The following DNAH11 variants were observed in gnomAD, a reference collection of about 807,000 sequenced individuals.
DNAH11 encodes axonemal beta dynein heavy chain 11.
In DNAH11, 442 loss-of-function variants were observed where a neutral mutation model predicts 526.0. The ratio of observed to expected loss-of-function variants is 0.84; its 90% CI spans 0.78 to 0.91. The LOEUF is 0.91. Ranked by LOEUF, DNAH11 falls within the 40% of genes least tolerant of loss-of-function variation. The pLI, the probability that DNAH11 is intolerant of heterozygous loss-of-function variation, is 0.00. For synonymous variants in DNAH11, 2,461 were observed against 1,935.9 expected, an observed-to-expected ratio of 1.27 and a Z score of -7.12; for missense variants, 6,989 against 5,448.7, an observed-to-expected ratio of 1.28 and a Z score of -8.90.
intron 27 of DNAH11, 28 bp from the exon 28 acceptor site, chr7:21,638,911 T>C (rs764944435): frequency 2.1e-5 from 33 of 1,591,860 alleles, no homozygotes; most frequent in Non-Finnish European, 2.6e-5. Flanking sequence ...GGACAAGATA[T>C]GCTTAAAAAC....
intron 79 of DNAH11, among the ~76,000 whole-genome samples, chr7:21,897,157 T>C (rs1022342543): frequency 6.6e-6 from 1 of 152,234 alleles, no homozygotes; most frequent in African/African-American, 2.4e-5. Context: ...CTTAGTTTTA[T>C]AATTTCCTGT....
At chr7:21,564,737 G>A (rs1307739663) in intron 6 of DNAH11, among the ~76,000 whole-genome samples, 5 of 152,146 alleles carry the variant, frequency 3.3e-5, no homozygotes, top group African/African-American at 1.2e-4. Flanking sequence ...AACACTGGCT[G>A]ATAAAAGCCT....
chr7:21,698,929 G>A (rs79076054), intron 36 of DNAH11, among the ~76,000 whole-genome samples: 10,838 of 151,968 alleles, frequency 0.071, 484 homozygotes, highest in East Asian at 0.2. Context: ...TATAAAATTC[G>A]AAAAACTTAT....
Position 21,623,057 on chromosome 7 carries a change from G to A in DNAH11, c.4500+2979G>A, listed in dbSNP as rs1184788720. Among the ~76,000 whole-genome samples, 16 of 151,592 alleles carry A rather than the reference G, an allele frequency of 1.1e-4. 1 individual carries two copies. Among genetic ancestry groups the A allele is most frequent in the East Asian group, 7.7e-4 (4 of 5,190 alleles). ...ACCTACAAAATGGGAGAAAATTTTCGCAACCTACTCATCTGACAAAGGGCT... is the reference window on the plus strand; with the variant it reads ...ACCTACAAAATGGGAGAAAATTTTCACAACCTACTCATCTGACAAAGGGCT... On this transcript the variant is annotated intron_variant, in intron 25 of 81. Transcript: ENST00000409508.
intron 45 of DNAH11, among the ~76,000 whole-genome samples, chr7:21,730,646 C>T (rs759732955): frequency 5.9e-5 from 9 of 152,036 alleles, no homozygotes; most frequent in Non-Finnish European, 8.8e-5. Flanking sequence ...AAAAGTTGAA[C>T]TCATAGAAGC....
chr7:21,846,836 G>A lies in DNAH11; in HGVS notation c.10896+4088G>A, dbSNP rs553122131. 2.0e-4 allele frequency among the ~76,000 whole-genome samples: 30 copies of A among 152,154 alleles called. 1 individual carries two copies. The highest frequency in any genetic ancestry group is 7.2e-4 in the African/African-American group (30 of 41,532). On this transcript the variant is annotated intron_variant, in intron 66 of 81. Transcript: ENST00000409508. The stretch of plus-strand genomic sequence containing the variant: ...TCCAGTGAAATCATCTGGACCTGGT[G>A]CTTTCTGTTTTGAAAGGTTATTAAT...
In DNAH11 at chr7:21,692,626, A is replaced by G. The variant is rs540987133; in HGVS notation, c.6041+1745A>G. ...TGGGGCTATTATGAATAAAGCGGCTATGAACATTCACGTGCGATGTTTACA... is the reference window on the plus strand; with the variant it reads ...TGGGGCTATTATGAATAAAGCGGCTGTGAACATTCACGTGCGATGTTTACA... On this transcript the variant is annotated intron_variant, in intron 35 of 81. Transcript: ENST00000409508. Among the ~76,000 whole-genome samples, 8 of 152,336 alleles carry G rather than the reference A, an allele frequency of 5.3e-5. No homozygotes were observed. The South Asian group carries it at 1.5e-3, about 28-fold the overall frequency.
At chr7:21,649,522 A>C (rs1474485364) in intron 28 of DNAH11, among the ~76,000 whole-genome samples, 1 of 152,234 alleles carries the variant, frequency 6.6e-6, no homozygotes, top group Non-Finnish European at 1.5e-5. Context: ...AAGTGACATA[A>C]TATCGAACTA....
At chr7:21,738,590 G>A in intron 46 of DNAH11, 111 bp from the exon 47 acceptor site, 1 of 1,176,700 alleles carries the variant, frequency 8.5e-7, no homozygotes, top group Non-Finnish European at 1.2e-6. Context: ...GGCGATACCT[G>A]AAACCACAGG....
intron 65 of DNAH11, among the ~76,000 whole-genome samples, chr7:21,825,841 C>G (rs971582108): frequency 6.6e-6 from 1 of 151,982 alleles, no homozygotes; most frequent in South Asian, 2.1e-4. Flanking sequence ...TGCCTGTAGT[C>G]CCAGCTACTC....
At position 21,892,548 on chromosome 7, in the gene DNAH11, C is replaced by G. The variant is rs763625281; in HGVS notation, c.12631C>G (p.Pro4211Ala). The G allele has an allele frequency of 6.2e-7, 1 of 1,613,950 alleles. No homozygotes were observed. Among genetic ancestry groups the G allele is most frequent in the South Asian group, 1.1e-5 (1 of 91,074 alleles). The change falls in exon 77 of 82, where the codon CCA (proline) becomes GCA (alanine). Residue 4211 changes from proline (P) to alanine (A), a missense_variant. By Grantham distance (27) the Pro-to-Ala change is conservative. Coordinates refer to ENST00000409508, the MANE Select transcript of DNAH11 (RefSeq NM_001277115.2). ...PESPALYGLH[P>A]NAEIEFLTVT... ...AAGCCCGGCACTGTATGGCCTCCAC[C>G]CAAATGCTGAAATAGAATTCCTGAC...
intron 36 of DNAH11, 21 bp downstream of exon 36, chr7:21,698,234 T>C: frequency 3.1e-6 from 5 of 1,611,690 alleles, no homozygotes; most frequent in South Asian, 1.1e-5. Flanking sequence ...ATTTGTTACG[T>C]TTTCTTGTTT....
intron 62 of DNAH11, among the ~76,000 whole-genome samples, chr7:21,803,147 A>T (rs1056143530): frequency 6.6e-6 from 1 of 152,208 alleles, no homozygotes; most frequent in Non-Finnish European, 1.5e-5. Flanking sequence ...ATTATTAGAA[A>T]TGCCTTTAGC....
chr7:21,872,138 A>AACAAACAAACAAAC (rs1554291074), intron 73 of DNAH11, among the ~76,000 whole-genome samples: 20 of 129,002 alleles, frequency 1.6e-4, no homozygotes, highest in African/African-American at 4.4e-4. Context: ...AAAAAAAAAA[A>AACAAACAAACAAAC]AAAAAAAAAA....
chr7:21,630,394 T>C (rs752543101), intron 25 of DNAH11, among the ~76,000 whole-genome samples: 3 of 152,256 alleles, frequency 2.0e-5, no homozygotes, highest in Non-Finnish European at 4.4e-5. Context: ...TGTTCACATA[T>C]TTAATTTTAC....
At chr7:21,842,856 CA>C in intron 66 of DNAH11, 108 bp downstream of exon 66, 2 of 964,192 alleles carry the variant, frequency 2.1e-6, no homozygotes, top group South Asian at 4.3e-5. Flanking sequence ...TAGAATCCTG[CA>C]ACCTAATTGG....
In DNAH11 at chr7:21,873,305, C is replaced by T. The variant is rs1783570244; in HGVS notation, c.11999C>T (p.Thr4000Ile). Residue 4000 changes from threonine (T) to isoleucine (I), a missense_variant, in exon 74 of 82, where the codon ACC becomes ATC. Thr to Ile is a moderately conservative substitution (Grantham distance 89). Transcript: ENST00000409508. ...NVHLVAKWLG[T>I]LEKLLERFSQ... ...CATTTGGTAGCCAAGTGGCTAGGAA[C>T]CTTGGAGAAGCTCCTTGAAAGATTC... The T allele has an allele frequency of 6.2e-7, 1 of 1,603,520 alleles. No homozygotes were observed. The highest frequency in any genetic ancestry group is 8.5e-7 in the Non-Finnish European group (1 of 1,174,596).
At chr7:21,660,671 A>G (rs1481276700) in intron 30 of DNAH11, among the ~76,000 whole-genome samples, 2 of 75,396 alleles carry the variant, frequency 2.7e-5, no homozygotes, top group African/African-American at 1.0e-4. Flanking sequence ...TTTTTTCTCT[A>G]TTTACTATCT....
chr7:21,793,151 A>G (rs1041291946), intron 61 of DNAH11, among the ~76,000 whole-genome samples: 15 of 152,114 alleles, frequency 9.9e-5, no homozygotes, highest in Non-Finnish European at 1.8e-4. Context: ...AACATGTTTA[A>G]TTTTCCTGTG....
Sources: gnomAD v4.1 joint callset for allele counts (sites outside exome capture counted in the v4.1 genomes callset) on GRCh38, gnomAD v4.1.1 for gene constraint, MANE v1.5 for transcripts, NCBI Gene and HGNC (gene_info 2026-07-23, HGNC 2026-07-21) for gene names.